Variants in POLR2F observed in about 807,000 individuals in gnomAD.
The protein encoded by POLR2F is DNA-directed RNA polymerases I, II, and III subunit RPABC2.
In POLR2F, 12 loss-of-function variants were observed where a neutral mutation model predicts 22.7. The observed-to-expected ratio is 0.53, with a 90% CI of 0.34 to 0.86. The LOEUF (loss-of-function observed/expected upper bound fraction) is 0.86, where lower values mean the gene tolerates loss of function less well. Ranked by LOEUF, POLR2F falls within the 40% of genes least tolerant of loss-of-function variation. The probability of loss-of-function intolerance (pLI) is 0.02; values close to 1 mark genes in which losing one functional copy is unlikely to be tolerated. For missense variants in POLR2F, 126 were observed against 171.5 expected (o/e 0.73, Z 1.48); for synonymous variants, 57 against 66.0 (o/e 0.86, Z 0.66).
chr22:37,961,050 G>A (rs977460879), intron 3 of POLR2F, among the ~76,000 whole-genome samples: 4 of 147,432 alleles, frequency 2.7e-5, no homozygotes, highest in African/African-American at 7.6e-5. Context: ...GGGGTTTCAC[G>A]GTGTTAGTCA....
At chr22:37,974,275 A>G, downstream of POLR2F, 2 of 1,114,038 alleles carry the variant, frequency 1.8e-6, no homozygotes, top group Non-Finnish European at 2.6e-6. The surrounding 1 kb of genome is among the most constrained non-coding windows in gnomAD (Gnocchi z 5.4). Context: ...GTGAACTTCC[A>G]TGGTTCACCT....
intron 3 of POLR2F, among the ~76,000 whole-genome samples, chr22:37,963,014 TCTCA>T (rs1327953347): frequency 2.1e-5 from 3 of 146,318 alleles, no homozygotes; most frequent in Non-Finnish European, 4.5e-5. Context: ...TGAGAAGGAG[TCTCA>T]CTCTGTCACC....
At chr22:38,019,617 G>T (rs557358261) in intron 1 of POLR2F, among the ~76,000 whole-genome samples, 8 of 152,298 alleles carry the variant, frequency 5.3e-5, no homozygotes, top group Admixed American at 1.3e-4. Context: ...CGGACATGGT[G>T]GGGGGGCACC....
At chr22:37,985,857 TCA>T (rs1427108510), upstream of POLR2F, among the ~76,000 whole-genome samples, 1 of 143,950 alleles carries the variant, frequency 6.9e-6, no homozygotes, top group African/African-American at 2.6e-5. Flanking sequence ...ACACACATGC[TCA>T]CACACACAAC....
downstream of POLR2F, chr22:37,970,857 T>TAAAAC (rs1932029689): frequency 4.6e-6 from 1 of 217,972 alleles, no homozygotes; most frequent in African/African-American, 2.3e-5. Context: ...TGCTTTTATC[T>TAAAAC]AAAACAAAAC....
rs546688932 is a variant in POLR2F, at chr22:37,967,375, C to T, written c.293+205C>T. 103 of 1,440,370 alleles carry T rather than the reference C, an allele frequency of 7.2e-5. No homozygotes were observed. The East Asian group carries it at 2.6e-3, about 36-fold the overall frequency. The allele number at this position is 1,440,370 out of a possible 1,614,324, so 89.2% of individuals were successfully genotyped here. ...GAGGGCACTGATGAGACATGGACGT[C>T]TTCTGGCTGTTGGAATTTCCCTGTT... is the stretch of plus-strand genomic sequence containing the variant. On this transcript the variant is annotated intron_variant, in intron 4 of 4. Coordinates refer to ENST00000442738, the MANE Select transcript of POLR2F (RefSeq NM_021974.5).
At chr22:38,040,301 A>AAAC (rs1555948709) in intron 5 of POLR2F, 1 of 152,092 alleles carries the variant, frequency 6.6e-6, no homozygotes. Flanking sequence ...AAAAAAAAAA[A>AAAC]AAAAGAAATT....
chr22:37,988,915 A>G (rs1601892153), intron 1 of POLR2F: 1 of 154,076 alleles, frequency 6.5e-6, no homozygotes. Context: ...GTGGCAGGGG[A>G]GGGCCTATGC....
chr22:37,969,162 C>A lies in POLR2F; in HGVS notation c.*1447C>A. Reference sequence around the variant, plus strand: ...GGAGGAGGGGAATTGGGGGTTAACCCTTAGGGGATAGAGTGCAAGGGAAAT... The same window carrying A: ...GGAGGAGGGGAATTGGGGGTTAACCATTAGGGGATAGAGTGCAAGGGAAAT... On this transcript the variant is annotated 3_prime_UTR_variant, in exon 5 of 5. Coordinates refer to ENST00000442738, the MANE Select transcript of POLR2F (RefSeq NM_021974.5). 1 of 985,370 alleles carries A rather than the reference C, an allele frequency of 1.0e-6. No individual in the cohort carries two copies. The highest frequency in any genetic ancestry group is 1.2e-6 in the Non-Finnish European group (1 of 829,926). 61.0% of individuals were successfully genotyped at this position (985,370 alleles called of 1,614,324 possible). A position where few individuals can be genotyped will look rare whatever the true frequency, so the allele number is the denominator to read the frequency against.
chr22:38,019,938 C>T (rs968394861), intron 1 of POLR2F, among the ~76,000 whole-genome samples: 9 of 152,076 alleles, frequency 5.9e-5, no homozygotes, highest in Middle Eastern at 3.4e-3. Context: ...CACTTGAACC[C>T]GGGAGGCAGA....
chr22:38,006,124 C>T (rs981394036), intron 1 of POLR2F, among the ~76,000 whole-genome samples: 1 of 151,978 alleles, frequency 6.6e-6, no homozygotes, highest in Non-Finnish European at 1.5e-5. Flanking sequence ...GGGAGGATTG[C>T]TTGAACCCAG....
chr22:38,018,937 G>A (rs1020640973), intron 1 of POLR2F, among the ~76,000 whole-genome samples: 2 of 152,198 alleles, frequency 1.3e-5, no homozygotes, highest in East Asian at 1.9e-4. Flanking sequence ...AAATCCCCCC[G>A]TCTCCAGGGA....
At chr22:37,993,919 G>A (rs2084686088) in intron 1 of POLR2F, among the ~76,000 whole-genome samples, 2 of 152,198 alleles carry the variant, frequency 1.3e-5, no homozygotes, top group African/African-American at 4.8e-5. Context: ...AACCCGAGAG[G>A]CGGAGCTTGC....
At chr22:37,989,258 G>C (rs762460649) in intron 1 of POLR2F, among the ~76,000 whole-genome samples, 7 of 152,148 alleles carry the variant, frequency 4.6e-5, no homozygotes, top group Non-Finnish European at 1.0e-4. Flanking sequence ...CAAGTGATGA[G>C]AGAATTAAAT....
At chr22:37,963,233 C>T (rs1931721279) in intron 3 of POLR2F, among the ~76,000 whole-genome samples, 1 of 151,100 alleles carries the variant, frequency 6.6e-6, no homozygotes, top group Non-Finnish European at 1.5e-5. Context: ...TCAGGTGATC[C>T]TCCTGCCTCA....
rs1932349716 is a variant in POLR2F at position 37,980,059 on chromosome 22, G to A, written c.293+12889G>A. ...CTCCCTGTCTACTCCCCCCACCCCG[G>A]CCCTGAGCCCAGCCCTAGCCCCAGC... is the stretch of plus-strand genomic sequence containing the variant. On this transcript the variant is annotated intron_variant, in intron 4 of 4. Transcript: ENST00000405557. This position sits in a 1 kb window ranked among gnomAD's most constrained non-coding sequence, Gnocchi z 4.1. Among the ~76,000 whole-genome samples the A allele has an allele frequency of 6.6e-6, 1 of 152,096 alleles. No homozygotes were observed. The highest frequency in any genetic ancestry group is 2.4e-5 in the African/African-American group (1 of 41,412).
At chr22:37,994,188 A>G (rs545973747) in intron 1 of POLR2F, among the ~76,000 whole-genome samples, 286 of 152,284 alleles carry the variant, frequency 1.9e-3, no homozygotes, top group African/African-American at 6.6e-3. Flanking sequence ...TGAGATCACA[A>G]CAGGGAACCC....
chr22:37,966,249 G>C (rs1020240920), intron 3 of POLR2F, among the ~76,000 whole-genome samples: 2 of 152,154 alleles, frequency 1.3e-5, no homozygotes, highest in African/African-American at 4.8e-5. Flanking sequence ...GGCGCATCTA[G>C]GGAACCAGAA....
chr22:37,984,053 C>T (rs1005002837), upstream of POLR2F: 4 of 276,086 alleles, frequency 1.4e-5, no homozygotes, highest in Non-Finnish European at 2.7e-5. The surrounding 1 kb of genome is among the most constrained non-coding windows in gnomAD (Gnocchi z 4.4). Flanking sequence ...CTTCCCACCA[C>T]CTGGTCCCAA....
Sources: allele counts gnomAD v4.1 joint callset (sites outside exome capture counted in the v4.1 genomes callset), GRCh38; gene constraint gnomAD v4.1.1; non-coding constraint Gnocchi (gnomAD v3.1); transcripts MANE v1.5; gene names NCBI Gene and HGNC (gene_info 2026-07-23, HGNC 2026-07-21).